ODF2: variants seen among roughly 807,000 people sequenced by gnomAD.
ODF2 encodes the protein outer dense fiber of sperm tails 2, also known as outer dense fiber protein 2.
In ODF2, 47 loss-of-function variants were observed where a neutral mutation model predicts 110.2. That is an observed-to-expected ratio of 0.43 (90% confidence interval 0.34 to 0.54). ODF2 has a LOEUF of 0.54. ODF2 is among the 20% of genes least tolerant of loss of function. The probability of loss-of-function intolerance (pLI) is 0.03; values close to 1 mark genes in which losing one functional copy is unlikely to be tolerated. For synonymous variants in ODF2, 352 were observed against 397.7 expected (o/e 0.89, Z 1.37); for missense variants, 812 against 1,054.5 (o/e 0.77, Z 3.19).
At chr9:128,499,851 C>G (rs2132360821) in intron 20 of ODF2, among the ~76,000 whole-genome samples, 1 of 152,308 alleles carries the variant, frequency 6.6e-6, no homozygotes, top group South Asian at 2.1e-4. Flanking sequence ...CTCCAGTGAT[C>G]ATTCCGTCCT....
chr9:128,470,409 T>C (rs1056996740), intron 5 of ODF2, among the ~76,000 whole-genome samples: 1 of 151,688 alleles, frequency 6.6e-6, no homozygotes, highest in Non-Finnish European at 1.5e-5. Flanking sequence ...GGAGGGCAGA[T>C]CACTTGAGGT....
At chr9:128,462,285 G>A (rs969927587) in intron 4 of ODF2, among the ~76,000 whole-genome samples, 1 of 151,950 alleles carries the variant, frequency 6.6e-6, no homozygotes, top group Non-Finnish European at 1.5e-5. Flanking sequence ...TGAGTAGCTA[G>A]GATTACAGGC....
chr9:128,476,359 C>T (rs1348705880), intron 8 of ODF2, among the ~76,000 whole-genome samples: 1 of 152,132 alleles, frequency 6.6e-6, no homozygotes, highest in Non-Finnish European at 1.5e-5. Context: ...ACAGTCTTGG[C>T]TCACTGTAAC....
At chr9:128,478,335 C>T (rs1056080884) in intron 8 of ODF2, among the ~76,000 whole-genome samples, 2 of 152,056 alleles carry the variant, frequency 1.3e-5, no homozygotes, top group African/African-American at 2.4e-5. Flanking sequence ...TGGCGGCTCA[C>T]GCCTGTGATC....
chr9:128,482,671 G>A (rs926855871), intron 9 of ODF2, 145 bp from the exon 10 acceptor site: 1 of 539,426 alleles, frequency 1.9e-6, no homozygotes, highest in Admixed American at 3.7e-5. Context: ...CATATGTTAG[G>A]TGCTTCCTAC....
At chr9:128,459,614 A>G in exon 3 of ODF2, 2 of 1,613,662 alleles carry the variant, frequency 1.2e-6, no homozygotes, top group Non-Finnish European at 1.7e-6. Context: ...ACGCAGAAAA[A>G]GGTCTTGAGA....
Position 128,494,949 on chromosome 9 carries a change from C to T in ODF2, c.1911+281C>T, listed in dbSNP as rs946900659. On this transcript the variant is annotated intron_variant, in intron 17 of 20. Coordinates refer to ENST00000604420, the Ensembl canonical transcript of ODF2. This position sits in a 1 kb window ranked among gnomAD's most constrained non-coding sequence, Gnocchi z 4.6. ...AGACTGCTGCCTCTGCCTGTGTGCT[C>T]CGCAGCTGTCCTCAGCTCCACACCC... 3.6e-5 allele frequency: 31 copies of T among 865,790 alleles called. No homozygotes were observed. Among genetic ancestry groups the T allele is most frequent in the Non-Finnish European group, 4.8e-5 (28 of 585,666 alleles). 53.6% of individuals were successfully genotyped at this position (865,790 alleles called of 1,614,324 possible).
chr9:128,500,509 A>G (rs78176480), downstream of ODF2: 1,801 of 452,610 alleles, frequency 4.0e-3, 29 homozygotes, highest in African/African-American at 0.032. Flanking sequence ...ATTTACTACT[A>G]CATTAGGGTA....
Position 128,484,072 on chromosome 9 carries a change from A to C in ODF2, c.1104+18A>C. ...AGATTAAGGTACCTATTGGCCCCACAAGTGGGGAAAGAGGAGGCAAGGGCC... is the reference window on the plus strand; with the variant it reads ...AGATTAAGGTACCTATTGGCCCCACCAGTGGGGAAAGAGGAGGCAAGGGCC... On this transcript the variant is annotated intron_variant, in intron 11 of 20. Coordinates refer to ENST00000604420, the Ensembl canonical transcript of ODF2. The C allele has an allele frequency of 3.8e-6, 6 of 1,566,676 alleles. No individual in the cohort carries two copies. The highest frequency in any genetic ancestry group is 5.2e-6 in the Non-Finnish European group (6 of 1,143,896).
In ODF2 at chr9:128,485,191, T is replaced by C. The variant is rs1215507772; in HGVS notation, c.1291-174T>C. ...AGGATGCATTTGATTGCTAGAAATCTGGGAGCACTAGCTGGGCTCCCACTG... is the reference window on the plus strand; with the variant it reads ...AGGATGCATTTGATTGCTAGAAATCCGGGAGCACTAGCTGGGCTCCCACTG... On this transcript the variant is annotated intron_variant, in intron 12 of 20. Transcript: ENST00000604420. The surrounding 1 kb of genome is among the most constrained non-coding windows in gnomAD (Gnocchi z 5.0). Among the ~76,000 whole-genome samples the C allele has an allele frequency of 6.6e-6, 1 of 152,142 alleles. No homozygotes were observed. The highest frequency in any genetic ancestry group is 1.5e-5 in the Non-Finnish European group (1 of 68,014).
intron 18 of ODF2, 184 bp downstream of exon 18, chr9:128,496,325 G>C (rs997682194): frequency 6.8e-7 from 1 of 1,463,130 alleles, no homozygotes; most frequent in East Asian, 2.9e-5. Flanking sequence ...GAGCAAGGGG[G>C]CCTCTCAGCC....
chr9:128,475,114 C>G (rs940777047), intron 8 of ODF2, among the ~76,000 whole-genome samples: 1 of 148,724 alleles, frequency 6.7e-6, no homozygotes, highest in Non-Finnish European at 1.5e-5. Flanking sequence ...TAGACTTTTT[C>G]TTGATATTAT....
chr9:128,465,582 A>G (rs978212113), intron 4 of ODF2, among the ~76,000 whole-genome samples: 2 of 152,028 alleles, frequency 1.3e-5, no homozygotes, highest in East Asian at 3.9e-4. Context: ...CTCAACTAAA[A>G]ATACAAAAAT....
intron 14 of ODF2, among the ~76,000 whole-genome samples, chr9:128,492,196 A>G (rs566951764): frequency 6.6e-6 from 1 of 152,112 alleles, no homozygotes; most frequent in African/African-American, 2.4e-5. Context: ...TAATGATTAT[A>G]TATTGCTTTT....
At chr9:128,470,508 G>A (rs753961006) in intron 5 of ODF2, among the ~76,000 whole-genome samples, 22 of 151,658 alleles carry the variant, frequency 1.5e-4, no homozygotes, top group South Asian at 2.1e-4. Context: ...CTGTAATCCC[G>A]GCTACTTGGG....
intron 1 of ODF2, chr9:128,456,985 G>A: frequency 1.6e-6 from 2 of 1,249,348 alleles, no homozygotes; most frequent in African/African-American, 1.5e-5. Flanking sequence ...CGCGGTTCTG[G>A]CCCTCTGGGG....
Position 128,488,042 on chromosome 9 carries a change from G to A in ODF2, c.1536+17G>A. 1 of 1,613,136 alleles carries A rather than the reference G, an allele frequency of 6.2e-7. No homozygotes were observed. Among genetic ancestry groups the A allele is most frequent in the East Asian group, 2.2e-5 (1 of 44,852 alleles). On this transcript the variant is annotated intron_variant, in intron 14 of 20. Coordinates refer to ENST00000604420, the Ensembl canonical transcript of ODF2. ...AGGCTGAAGGTTCGCAGTGAGAGCTGGGGACCAGGCAGCTGGATGGGGCCC... is the reference window on the plus strand; with the variant it reads ...AGGCTGAAGGTTCGCAGTGAGAGCTAGGGACCAGGCAGCTGGATGGGGCCC...
At chr9:128,471,221 T>C in intron 5 of ODF2, 87 bp from the exon 6 acceptor site, 1 of 1,389,380 alleles carries the variant, frequency 7.2e-7, no homozygotes, top group South Asian at 1.5e-5. Flanking sequence ...GCCGGGGCCT[T>C]ATTTTGGTCC....
chr9:128,456,301 G>T, intron 1 of ODF2, 46 bp downstream of exon 1: 1 of 1,503,562 alleles, frequency 6.7e-7, no homozygotes. Context: ...CCGGGGCACC[G>T]CGGGCGAGAC....
Sources: allele counts gnomAD v4.1 joint callset (sites outside exome capture counted in the v4.1 genomes callset), GRCh38; gene constraint gnomAD v4.1.1; non-coding constraint Gnocchi (gnomAD v3.1); transcripts MANE v1.5; gene names NCBI Gene and HGNC (gene_info 2026-07-23, HGNC 2026-07-21).